Variants in ATP10B observed in about 807,000 individuals in gnomAD.
ATP10B encodes the protein phospholipid-transporting ATPase VB.
Under a neutral mutation model 141.2 loss-of-function variants are expected in ATP10B, and 122 were observed. That is an observed-to-expected ratio of 0.86 (90% CI 0.75 to 1.00). ATP10B has a LOEUF of 1.00. ATP10B is among the 50% of genes least tolerant of loss of function. ATP10B has a pLI of 0.00. For missense variants in ATP10B, 1,876 were observed against 1,825.3 expected (o/e 1.03, Z -0.51); for synonymous variants, 685 against 692.0 (o/e 0.99, Z 0.16).
chr5:160,698,732 G>A (rs184269804), intron 3 of ATP10B, among the ~76,000 whole-genome samples: 1 of 152,126 alleles, frequency 6.6e-6, no homozygotes, highest in South Asian at 2.1e-4. Flanking sequence ...GCTACCAATG[G>A]GAAATTGAAA....
At chr5:160,756,156 T>A (rs917625948) in intron 2 of ATP10B, among the ~76,000 whole-genome samples, 2 of 147,550 alleles carry the variant, frequency 1.4e-5, no homozygotes, top group Admixed American at 6.8e-5. Flanking sequence ...ATTTTTTTTT[T>A]ATTTTTGGCA....
intron 1 of ATP10B, among the ~76,000 whole-genome samples, chr5:160,809,397 AT>A (rs1374335563): frequency 6.6e-6 from 1 of 151,988 alleles, no homozygotes; most frequent in Non-Finnish European, 1.5e-5. Flanking sequence ...GTTTAAAAAA[AT>A]TTTTTTTCTA....
chr5:160,683,062 A>G (rs1303159988), intron 6 of ATP10B, among the ~76,000 whole-genome samples: 20 of 131,934 alleles, frequency 1.5e-4, no homozygotes, highest in African/African-American at 3.0e-4. Flanking sequence ...AAAAAAAAAA[A>G]AAGAAGAAGA....
the ATP10B span, among the ~76,000 whole-genome samples, chr5:160,925,862 T>A: frequency 6.6e-6 from 1 of 152,192 alleles, no homozygotes; most frequent in African/African-American, 2.4e-5. Flanking sequence ...ACAAGACAAG[T>A]GGACAATGGT....
intron 1 of ATP10B, among the ~76,000 whole-genome samples, chr5:160,816,315 G>T (rs1043233756): frequency 2.0e-5 from 3 of 151,538 alleles, no homozygotes; most frequent in African/African-American, 7.3e-5. Context: ...AATGATAAAG[G>T]GGATATCACC....
At chr5:160,870,688 ATG>A in the ATP10B span, among the ~76,000 whole-genome samples, 1 of 152,050 alleles carries the variant, frequency 6.6e-6, no homozygotes, top group Non-Finnish European at 1.5e-5. Context: ...CCCCAAATTA[ATG>A]TCAGACACAA....
At chr5:160,734,446 T>C (rs1325988013) in intron 2 of ATP10B, among the ~76,000 whole-genome samples, 1 of 151,988 alleles carries the variant, frequency 6.6e-6, no homozygotes, top group Non-Finnish European at 1.5e-5. Context: ...TAGAACAAAG[T>C]ATAGAAGAGA....
At chr5:160,728,841 T>C (rs1252784427) in intron 2 of ATP10B, among the ~76,000 whole-genome samples, 1 of 152,212 alleles carries the variant, frequency 6.6e-6, no homozygotes, top group African/African-American at 2.4e-5. Flanking sequence ...TCTCTTTTTG[T>C]TTGAGTAACA....
At chr5:160,913,976 G>T in the ATP10B span, among the ~76,000 whole-genome samples, 1 of 152,186 alleles carries the variant, frequency 6.6e-6, no homozygotes, top group African/African-American at 2.4e-5. Flanking sequence ...GTCCTTGCTT[G>T]ATGTGTCATA....
At chr5:160,782,041 C>A (rs903591373) in intron 2 of ATP10B, among the ~76,000 whole-genome samples, 28 of 152,082 alleles carry the variant, frequency 1.8e-4, no homozygotes, top group African/African-American at 6.8e-4. Context: ...AAAAGAGATA[C>A]TGGGGGTTGA....
chr5:160,586,946 T>C (rs776183605), intron 24 of ATP10B, among the ~76,000 whole-genome samples: 1 of 152,256 alleles, frequency 6.6e-6, no homozygotes, highest in Admixed American at 6.5e-5. Flanking sequence ...TTTCTTTTGA[T>C]GTGCAGAAGC....
At chr5:160,583,540 G>A (rs1755688220) in intron 24 of ATP10B, among the ~76,000 whole-genome samples, 1 of 152,226 alleles carries the variant, frequency 6.6e-6, no homozygotes, top group Admixed American at 6.5e-5. Context: ...ACCCACTGGA[G>A]GAGACAGTCT....
chr5:160,637,111 C>G (rs1358734307), intron 10 of ATP10B, among the ~76,000 whole-genome samples: 1 of 121,708 alleles, frequency 8.2e-6, no homozygotes, highest in Non-Finnish European at 1.7e-5. Context: ...CACCCATCTA[C>G]TCACCCATCT....
chr5:160,795,181 T>A (rs1323974158), intron 1 of ATP10B, among the ~76,000 whole-genome samples: 1 of 152,142 alleles, frequency 6.6e-6, no homozygotes, highest in Non-Finnish European at 1.5e-5. Flanking sequence ...TCAAAAAAAA[T>A]CCTTAATCAA....
chr5:160,912,648 A>G, the ATP10B span, among the ~76,000 whole-genome samples: 82 of 151,822 alleles, frequency 5.4e-4, no homozygotes, highest in African/African-American at 1.9e-3. Flanking sequence ...GAGTAAAGAG[A>G]AGAGAGAAAA....
the ATP10B span, among the ~76,000 whole-genome samples, chr5:160,921,469 A>G: frequency 6.6e-6 from 1 of 152,338 alleles, no homozygotes; most frequent in African/African-American, 2.4e-5. Context: ...CAGAATGACT[A>G]TCTTCCCAAT....
intron 14 of ATP10B, 112 bp downstream of exon 14, chr5:160,622,282 C>G: frequency 9.0e-7 from 1 of 1,110,844 alleles, no homozygotes; most frequent in Non-Finnish European, 1.3e-6. Flanking sequence ...GACACTGTTG[C>G]TAGGACCCAA....
rs1403090488 is a variant in ATP10B, at chr5:160,644,176, C to G, written c.830G>C (p.Arg277Thr). Residue 277 changes from arginine to threonine, a missense_variant, in exon 9 of 26, where the codon AGA becomes ACA. Transcript: ENST00000327245. ...ESLLLRGCTI[R>T]NTEMAVGIVI... ...AATGCCAACAGCCATCTCGGTGTTTCTGATGGTGCAGCCTCGAAGCAGAAG... is the reference window on the plus strand; with the variant it reads ...AATGCCAACAGCCATCTCGGTGTTTGTGATGGTGCAGCCTCGAAGCAGAAG... 25 of 1,613,826 alleles carry G rather than the reference C, an allele frequency of 1.5e-5. No individual in the cohort carries two copies. Among genetic ancestry groups the G allele is most frequent in the Non-Finnish European group, 2.1e-5 (25 of 1,179,940 alleles).
At chr5:160,790,081 T>A (rs1027217942) in intron 1 of ATP10B, among the ~76,000 whole-genome samples, 1 of 152,150 alleles carries the variant, frequency 6.6e-6, no homozygotes, top group African/African-American at 2.4e-5. Flanking sequence ...CCAGAGTTAA[T>A]CTCCAAGTTG....
Sources: gnomAD v4.1 joint callset for allele counts (sites outside exome capture counted in the v4.1 genomes callset) on GRCh38, gnomAD v4.1.1 for gene constraint, MANE v1.5 for transcripts, NCBI Gene and HGNC (gene_info 2026-07-23, HGNC 2026-07-21) for gene names.